The following RIC1 variants were observed in gnomAD, a reference collection of about 807,000 sequenced individuals.
RIC1 encodes guanine nucleotide exchange factor subunit RIC1.
Under a neutral mutation model 169.0 loss-of-function variants are expected in RIC1, and 88 were observed. The observed-to-expected ratio is 0.52, with a 90% CI of 0.44 to 0.62. The LOEUF (loss-of-function observed/expected upper bound fraction) is 0.62. Ranked by LOEUF, RIC1 falls within the 20% of genes least tolerant of loss-of-function variation. The pLI is 0.00. For missense variants in RIC1, 1,877 were observed against 1,725.5 expected (o/e 1.09, Z -1.56); for synonymous variants, 790 against 601.5 (o/e 1.31, Z -4.59).
intron 24 of RIC1, 58 bp from the exon 25 acceptor site, chr9:5,772,834 T>A (rs1827315244): frequency 4.5e-6 from 7 of 1,563,456 alleles, no homozygotes; most frequent in Non-Finnish European, 1.7e-6. Context: ...TCATTGCACT[T>A]CTGTACATCT....
At chr9:5,635,830 T>G (rs953525853) in intron 1 of RIC1, among the ~76,000 whole-genome samples, 2 of 152,230 alleles carry the variant, frequency 1.3e-5, no homozygotes, top group Non-Finnish European at 2.9e-5. Context: ...CCTGCCAGCA[T>G]GTAACAAGTG....
chr9:5,703,250 G>A (rs1328845301), intron 3 of RIC1, among the ~76,000 whole-genome samples: 1 of 152,126 alleles, frequency 6.6e-6, no homozygotes, highest in Non-Finnish European at 1.5e-5. Flanking sequence ...CTCCCGTTCC[G>A]AAAGGGAAGA....
intron 24 of RIC1, 42 bp from the exon 25 acceptor site, chr9:5,772,850 A>T: frequency 6.3e-7 from 1 of 1,581,234 alleles, no homozygotes; most frequent in Non-Finnish European, 8.6e-7. Flanking sequence ...CATCTTATAG[A>T]TCTTTCTTAG....
chr9:5,758,722 CT>C (rs754931692), intron 17 of RIC1, among the ~76,000 whole-genome samples: 5,506 of 98,442 alleles, frequency 0.056, 242 homozygotes, highest in African/African-American at 0.17. Flanking sequence ...GGTCTCCCTT[CT>C]TTTTTTTTTT....
At chr9:5,643,638 C>T (rs529141945) in intron 1 of RIC1, among the ~76,000 whole-genome samples, 3 of 152,100 alleles carry the variant, frequency 2.0e-5, no homozygotes, top group South Asian at 2.1e-4. Context: ...ACTCTCCTTA[C>T]GTAAATAAAA....
intron 1 of RIC1, among the ~76,000 whole-genome samples, chr9:5,647,744 C>T (rs1212295459): frequency 6.6e-6 from 1 of 151,892 alleles, no homozygotes; most frequent in East Asian, 1.9e-4. Flanking sequence ...ATTTCATTTC[C>T]TTGCTGATTG....
chr9:5,717,548 A>G (rs1362013703), intron 4 of RIC1, among the ~76,000 whole-genome samples: 1 of 152,154 alleles, frequency 6.6e-6, no homozygotes, highest in Non-Finnish European at 1.5e-5. Flanking sequence ...CAAAGTTAAA[A>G]GTTCAGTTCT....
At position 5,673,535 on chromosome 9, in the gene RIC1, G is replaced by GATTATATATATATATATATATAT. The variant is rs1554663216; in HGVS notation, c.253-16422_253-16421insTATATATATATATATATATATAT. Among the ~76,000 whole-genome samples, 2 of 119,304 alleles carry GATTATATATATATATATATATAT rather than the reference G, an allele frequency of 1.7e-5. 1 individual carries two copies. The highest frequency in any genetic ancestry group is 5.0e-4 in the East Asian group (2 of 3,988). 78.3% of individuals were successfully genotyped at this position (119,304 alleles called of 152,430 possible). On this transcript the variant is annotated intron_variant, in intron 2 of 25. Transcript: ENST00000414202. ...ATATATATGCACCAAAACATAAGGA[G>GATTATATATATATATATATATAT]ATATATATATATATATATATATAAA...
Position 5,774,537 on chromosome 9 carries a change from CA to C in RIC1, c.*292del. The C allele has an allele frequency of 4.3e-6, 1 of 231,978 alleles. No homozygotes were observed. The highest frequency in any genetic ancestry group is 2.2e-5 in the African/African-American group (1 of 44,618). 14.4% of individuals were successfully genotyped at this position (231,978 alleles called of 1,614,324 possible). A position where few individuals can be genotyped will look rare whatever the true frequency, so the allele number is the denominator to read the frequency against. On this transcript the variant is annotated 3_prime_UTR_variant, in exon 26 of 26. Transcript: ENST00000414202. ...TCAAAGGTTGGTAGCTCTTAAACCA[CA>C]GGAATTGTTTTGCCCCAGGTGAGCT... is the stretch of plus-strand genomic sequence containing the variant.
chr9:5,758,191 G>C (rs1826119222), intron 17 of RIC1, among the ~76,000 whole-genome samples: 1 of 152,142 alleles, frequency 6.6e-6, no homozygotes, highest in Non-Finnish European at 1.5e-5. Context: ...TATGAGGAAA[G>C]AGAAAGTATA....
intron 17 of RIC1, among the ~76,000 whole-genome samples, chr9:5,761,853 T>C (rs1826360154): frequency 6.6e-6 from 1 of 152,092 alleles, no homozygotes; most frequent in South Asian, 2.1e-4. Context: ...CTCTCTGAGG[T>C]TTGATTGAAA....
Position 5,747,496 on chromosome 9 carries a change from T to C in RIC1, c.1443T>C (p.His481=), listed in dbSNP as rs1825450824. Residue 481 remains histidine, a synonymous_variant, in exon 12 of 26, where the codon CAT becomes CAC. Transcript: ENST00000414202. Reference sequence around the variant, plus strand: ...CTTTACTTGGACATCGGCATTGGCATGTTGTACAGGTAAATCTTTAGTTAC... The same window carrying C: ...CTTTACTTGGACATCGGCATTGGCACGTTGTACAGGTAAATCTTTAGTTAC... The part of the protein sequence containing the change: ...LSTLLGHRHW[H]VVQISSTYLE... 8.7e-6 allele frequency: 14 copies of C among 1,613,432 alleles called. No homozygotes were observed. The highest frequency in any genetic ancestry group is 1.1e-5 in the Non-Finnish European group (13 of 1,179,314).
In RIC1 at chr9:5,772,689, A is replaced by G. The variant is rs751303108; in HGVS notation, c.3742A>G (p.Ile1248Val). 2.5e-6 allele frequency: 4 copies of G among 1,613,608 alleles called. No homozygotes were observed. Among genetic ancestry groups the G allele is most frequent in the Non-Finnish European group, 3.4e-6 (4 of 1,179,852 alleles). ...LSLTQSELEH[I>V]SMELASKGPH... ...TTTAACTCAGTCAGAGCTGGAGCAC[A>G]TTTCCATGGAGTTGGCCAGTAAAGG... The change falls in exon 24 of 26, where the codon ATT (isoleucine) becomes GTT (valine). Residue 1248 changes from isoleucine to valine, a missense_variant. Transcript: ENST00000414202.
chr9:5,690,532 A>G (rs1041712607), intron 3 of RIC1, among the ~76,000 whole-genome samples: 14 of 151,718 alleles, frequency 9.2e-5, no homozygotes, highest in South Asian at 2.1e-4. Flanking sequence ...TAACTTTTGA[A>G]ATAAAAGAAC....
intron 6 of RIC1, among the ~76,000 whole-genome samples, chr9:5,729,190 T>C (rs1375689278): frequency 6.6e-6 from 1 of 152,202 alleles, no homozygotes; most frequent in Non-Finnish European, 1.5e-5. Context: ...ATCCCTGTTT[T>C]CAGTGTGGTC....
rs1009283074 is a variant in RIC1, at chr9:5,775,499, A to G, written c.*1253A>G. The G allele has an allele frequency of 5.9e-5, 9 of 152,198 alleles. No individual in the cohort carries two copies. The highest frequency in any genetic ancestry group is 1.9e-4 in the African/African-American group (8 of 41,466). The allele number at this position is 152,198 out of a possible 1,614,324, so 9.4% of individuals were successfully genotyped here. On this transcript the variant is annotated 3_prime_UTR_variant, in exon 26 of 26. Transcript: ENST00000414202. ...AACAAGGAATGCAATGTTATTTTTT[A>G]CAAAAAACAAACTTGTTTATTTTTA...
At chr9:5,670,730 CAG>C (rs1427155308) in intron 2 of RIC1, among the ~76,000 whole-genome samples, 2 of 152,174 alleles carry the variant, frequency 1.3e-5, no homozygotes, top group African/African-American at 4.8e-5. Context: ...TTTATCAAGA[CAG>C]AGGAATTGCA....
At chr9:5,704,513 C>G (rs1221140437) in intron 3 of RIC1, among the ~76,000 whole-genome samples, 1 of 152,122 alleles carries the variant, frequency 6.6e-6, no homozygotes, top group Non-Finnish European at 1.5e-5. Context: ...TGCCCTGCCT[C>G]TCCCTTCTTT....
intron 2 of RIC1, 91 bp downstream of exon 2, chr9:5,656,781 TTTTGCACTCATAAG>T: frequency 1.4e-6 from 1 of 736,446 alleles, no homozygotes; most frequent in Non-Finnish European, 2.3e-6. Context: ...TCTTTCAGTC[TTTTGCACTCATAAG>T]TATTTATTTT....
Sources: allele counts gnomAD v4.1 joint callset (sites outside exome capture counted in the v4.1 genomes callset), GRCh38; gene constraint gnomAD v4.1.1; transcripts MANE v1.5; gene names NCBI Gene and HGNC (gene_info 2026-07-23, HGNC 2026-07-21).